Variants in AHR observed in about 807,000 individuals in gnomAD.
AHR encodes the protein AH-receptor.
A neutral mutation model predicts 86.8 loss-of-function variants in AHR; 40 were observed. That is an observed-to-expected ratio of 0.46 (90% CI 0.36 to 0.60). AHR has a LOEUF of 0.60. Ranked by LOEUF, AHR falls within the 20% of genes least tolerant of loss-of-function variation. AHR has a pLI of 0.00. For synonymous variants in AHR, 398 were observed against 354.9 expected (o/e 1.12, Z -1.37); for missense variants, 1,001 against 1,011.6 (o/e 0.99, Z 0.14).
At chr7:17,331,829 A>G (rs1336303311) in intron 6 of AHR, among the ~76,000 whole-genome samples, 1 of 151,988 alleles carries the variant, frequency 6.6e-6, no homozygotes, top group African/African-American at 2.4e-5. Flanking sequence ...AATACAAAGT[A>G]TATTGTATAT....
At chr7:17,331,103 A>C (rs967638629) in intron 6 of AHR, among the ~76,000 whole-genome samples, 4 of 151,934 alleles carry the variant, frequency 2.6e-5, no homozygotes, top group Admixed American at 6.6e-5. Flanking sequence ...GATTGATTAC[A>C]GCTTGGGATT....
Position 17,335,805 on chromosome 7 carries a change from T to A in AHR, c.1160+19T>A, listed in dbSNP as rs778706058. The A allele has an allele frequency of 1.2e-6, 2 of 1,604,728 alleles. No homozygotes were observed. The highest frequency in any genetic ancestry group is 2.3e-5 in the South Asian group (2 of 88,754). On this transcript the variant is annotated intron_variant, in intron 9 of 10. Coordinates refer to ENST00000242057, the MANE Select transcript of AHR (RefSeq NM_001621.5). ...CACTAACGTAAGCACAAATAATGTT[T>A]CCTGTTTTAACAGTTTTGTTTTCAT...
chr7:17,334,053 A>G lies in AHR; in HGVS notation c.847A>G (p.Lys283Glu). ...QPPSILEIRT[K>E]NFIFRTKHKL... ...ACCATCCATACTTGAAATCCGGACCAAAAATTTTATCTTTAGAACCAAACA... is the reference window on the plus strand; with the variant it reads ...ACCATCCATACTTGAAATCCGGACCGAAAATTTTATCTTTAGAACCAAACA... Residue 283 changes from lysine to glutamate, a missense_variant, in exon 7 of 11, where the codon AAA (lysine) becomes GAA (glutamate). Transcript: ENST00000242057. 1 of 1,613,484 alleles carries G rather than the reference A, an allele frequency of 6.2e-7. No individual in the cohort carries two copies.
chr7:17,303,805 G>A (rs1361657658), intron 1 of AHR, among the ~76,000 whole-genome samples: 2 of 151,984 alleles, frequency 1.3e-5, no homozygotes, highest in African/African-American at 4.8e-5. Context: ...TTTTAAGGTT[G>A]AACCAAATCG....
chr7:17,343,354 T>C lies in AHR; in HGVS notation c.*290T>C, dbSNP rs1300618252. On this transcript the variant is annotated 3_prime_UTR_variant, in exon 11 of 11. Transcript: ENST00000242057. ...GGGCACCACAAAATATACAAAACTT[T>C]ATCAGGGAAACTAAGATTCTTTTAA... The C allele has an allele frequency of 3.2e-6, 1 of 310,210 alleles. No individual in the cohort carries two copies. Among genetic ancestry groups the C allele is most frequent in the Admixed American group, 5.2e-5 (1 of 19,302 alleles). The allele number at this position is 310,210 out of a possible 1,614,324, so 19.2% of individuals were successfully genotyped here.
chr7:17,323,814 G>T (rs1303556682), intron 3 of AHR, among the ~76,000 whole-genome samples: 1 of 152,058 alleles, frequency 6.6e-6, no homozygotes, highest in Non-Finnish European at 1.5e-5. Flanking sequence ...CCCAACTGAG[G>T]ATCTTCATGT....
Position 17,334,950 on chromosome 7 carries a change from T to C in AHR, c.972T>C (p.Phe324=). ...GCACGAGAGGCTCAGGTTATCAGTTTATTCATGCAGCTGATATGCTTTATT... is the reference window on the plus strand; with the variant it reads ...GCACGAGAGGCTCAGGTTATCAGTTCATTCATGCAGCTGATATGCTTTATT... ...ELCTRGSGYQ[F]IHAADMLYCA... The change falls in exon 8 of 11, where the codon TTT becomes TTC. Residue 324 remains phenylalanine, a synonymous_variant. Coordinates refer to ENST00000242057, the MANE Select transcript of AHR (RefSeq NM_001621.5). 6.2e-7 allele frequency: 1 copy of C among 1,613,398 alleles called. No homozygotes were observed. Among genetic ancestry groups the C allele is most frequent in the Non-Finnish European group, 8.5e-7 (1 of 1,179,470 alleles).
intron 1 of AHR, among the ~76,000 whole-genome samples, chr7:17,304,851 G>T (rs1429409736): frequency 6.6e-5 from 10 of 151,916 alleles, no homozygotes. Flanking sequence ...AATTTTTTTG[G>T]TAATGTTTTA....
chr7:17,338,890 A>G, intron 9 of AHR, 96 bp from the exon 10 acceptor site: 2 of 1,167,566 alleles, frequency 1.7e-6, no homozygotes, highest in South Asian at 3.9e-5. Context: ...ATTCAATTAC[A>G]ATGTATTTTG....
Position 17,310,021 on chromosome 7 carries a change from G to A in AHR, c.151G>A (p.Ala51Thr). Residue 51 changes from alanine (A) to threonine (T), a missense_variant, in exon 2 of 11, where the codon GCT becomes ACT. Ala to Thr is a moderately conservative substitution (Grantham distance 58, BLOSUM62 0). Coordinates refer to ENST00000242057, the MANE Select transcript of AHR (RefSeq NM_001621.5). The stretch of plus-strand genomic sequence containing the variant: ...ACTTAATACAGAGTTGGACCGTTTG[G>A]CTAGCCTGCTGCCTTTCCCACAAGA... ...DRLNTELDRL[A>T]SLLPFPQDVI... is the part of the protein sequence containing the mutation. 6.2e-7 allele frequency: 1 copy of A among 1,613,922 alleles called. No individual in the cohort carries two copies. Among genetic ancestry groups the A allele is most frequent in the Non-Finnish European group, 8.5e-7 (1 of 1,179,886 alleles).
chr7:17,300,816 C>T (rs145849675), intron 1 of AHR, among the ~76,000 whole-genome samples: 3 of 152,170 alleles, frequency 2.0e-5, no homozygotes, highest in African/African-American at 7.2e-5. Context: ...CACTTAGCAT[C>T]ATATATAATA....
Position 17,321,594 on chromosome 7 carries a change from T to TACACACAC in AHR, c.254-889_254-882dup, listed in dbSNP as rs71309046. Among the ~76,000 whole-genome samples the TACACACAC allele has an allele frequency of 8.2e-3, 1,211 of 147,266 alleles. 10 individuals are homozygous for TACACACAC. The highest frequency in any genetic ancestry group is 8.9e-3 in the East Asian group (45 of 5,068). On this transcript the variant is annotated intron_variant, in intron 2 of 10. Coordinates refer to ENST00000242057, the MANE Select transcript of AHR (RefSeq NM_001621.5). Reference sequence around the variant, plus strand: ...TATAAATACATACATACCACACACATACACACACACACACACACACACACA... The same window carrying TACACACAC: ...TATAAATACATACATACCACACACATACACACACACACACACACACACACACACACACA...
intron 6 of AHR, 104 bp from the exon 7 acceptor site, chr7:17,333,808 A>T: frequency 1.2e-6 from 1 of 818,194 alleles, no homozygotes; most frequent in Non-Finnish European, 1.9e-6. Flanking sequence ...ATATTTATGG[A>T]ATTATCAAGA....
chr7:17,307,452 G>C (rs944059710), intron 1 of AHR, among the ~76,000 whole-genome samples: 1 of 152,130 alleles, frequency 6.6e-6, no homozygotes, highest in Non-Finnish European at 1.5e-5. Flanking sequence ...CTACTTGAGC[G>C]GGGACTTGAA....
In AHR at chr7:17,327,794, T is replaced by C. The variant is rs35966236; in HGVS notation, c.396T>C (p.Asp132=). 2 of 1,580,056 alleles carry C rather than the reference T, an allele frequency of 1.3e-6. No individual in the cohort carries two copies. The highest frequency in any genetic ancestry group is 4.5e-5 in the East Asian group (2 of 44,252). Residue 132 remains aspartate (D), a synonymous_variant, in exon 4 of 11, where the codon GAT becomes GAC. Transcript: ENST00000242057. The part of the protein sequence containing the change: ...LNGFVLVVTT[D]ALVFYASSTI... ...GCTTTGTATTAGTTGTCACTACAGA[T>C]GCTTTGGTCTTTTATGCTTCTTCTA...
intron 6 of AHR, among the ~76,000 whole-genome samples, chr7:17,333,498 T>C (rs1782321692): frequency 6.6e-6 from 1 of 152,004 alleles, no homozygotes; most frequent in African/African-American, 2.4e-5. Flanking sequence ...TTATGAACTA[T>C]GCAGTATGCT....
At chr7:17,305,713 C>T (rs144354652) in intron 1 of AHR, among the ~76,000 whole-genome samples, 51 of 151,220 alleles carry the variant, frequency 3.4e-4, no homozygotes, top group African/African-American at 1.1e-3. Flanking sequence ...TTACTGAAAC[C>T]ATATCTTTGC....
intron 2 of AHR, among the ~76,000 whole-genome samples, chr7:17,312,419 C>T (rs2115354259): frequency 6.6e-6 from 1 of 152,098 alleles, no homozygotes; most frequent in South Asian, 2.1e-4. Flanking sequence ...ATGTGTGTAT[C>T]TAGACAGATA....
At chr7:17,335,106 T>G in intron 8 of AHR, 110 bp downstream of exon 8, 1 of 669,562 alleles carries the variant, frequency 1.5e-6, no homozygotes, top group Admixed American at 2.7e-5. Flanking sequence ...ATGGATAAAC[T>G]TCTACTTAGT....
Sources: gnomAD v4.1 joint callset for allele counts (sites outside exome capture counted in the v4.1 genomes callset) on GRCh38, gnomAD v4.1.1 for gene constraint, MANE v1.5 for transcripts, NCBI Gene and HGNC (gene_info 2026-07-23, HGNC 2026-07-21) for gene names.